SLC44A1: variants seen among roughly 807,000 people sequenced by gnomAD.
SLC44A1 encodes solute carrier family 44 member 1.
Under a neutral mutation model 79.3 loss-of-function variants are expected in SLC44A1, and 26 were observed. That is an observed-to-expected ratio of 0.33 (90% confidence interval 0.24 to 0.46). The LOEUF (loss-of-function observed/expected upper bound fraction) is 0.46, where lower values mean the gene tolerates loss of function less well. SLC44A1 is among the 20% of genes least tolerant of loss of function. The pLI is 1.00. For missense variants in SLC44A1, 688 were observed against 798.1 expected, an observed-to-expected ratio of 0.86 and a Z score of 1.66; for synonymous variants, 263 against 286.2, an observed-to-expected ratio of 0.92 and a Z score of 0.82.
intron 15 of SLC44A1, chr9:105,386,019 GTTTC>G: frequency 1.0e-6 from 1 of 985,112 alleles, no homozygotes; most frequent in Non-Finnish European, 1.2e-6. Flanking sequence ...TACTTTCTTT[GTTTC>G]TTAAGCTATT....
chr9:105,323,774 AGGG>A (rs940424467), intron 3 of SLC44A1, among the ~76,000 whole-genome samples: 1 of 152,170 alleles, frequency 6.6e-6, no homozygotes, highest in Admixed American at 6.5e-5. Flanking sequence ...ATTTTTTCTC[AGGG>A]GAGGCTTTCA....
intron 15 of SLC44A1, among the ~76,000 whole-genome samples, chr9:105,422,405 C>T (rs1829264962): frequency 6.6e-6 from 1 of 151,020 alleles, no homozygotes; most frequent in Non-Finnish European, 1.5e-5. Context: ...TCTCCTGCCT[C>T]AGCCTCCTGA....
chr9:105,357,027 C>T (rs887544933), intron 6 of SLC44A1: 5 of 152,062 alleles, frequency 3.3e-5, no homozygotes, highest in African/African-American at 1.2e-4. Flanking sequence ...TGGTAGGAAC[C>T]AACAGCTATT....
Position 105,386,291 on chromosome 9 carries a change from T to C in SLC44A1, c.1950+789T>C, listed in dbSNP as rs186606900. On this transcript the variant is annotated intron_variant, in intron 15 of 15. Transcript: ENST00000374720. The stretch of plus-strand genomic sequence containing the variant: ...TAGAAACAGATGCCTCTATCATATA[T>C]TGGTCTAATTACTTCCTAATTTAAA... 401 of 950,346 alleles carry C rather than the reference T, an allele frequency of 4.2e-4. 2 individuals are homozygous for C. The African/African-American group carries it at 6.7e-3, about 16-fold the overall frequency. The allele number at this position is 950,346 out of a possible 1,614,324, so 58.9% of individuals were successfully genotyped here.
intron 6 of SLC44A1, chr9:105,357,019 G>A (rs1018211506): frequency 1.3e-5 from 2 of 152,198 alleles, no homozygotes; most frequent in African/African-American, 4.8e-5. Flanking sequence ...GTAAACTATG[G>A]TAGGAACCAA....
Position 105,391,203 on chromosome 9 carries a change from T to C in SLC44A1, c.*2147T>C, listed in dbSNP as rs1186660380. On this transcript the variant is annotated 3_prime_UTR_variant, in exon 16 of 16. Coordinates refer to ENST00000374720, the MANE Select transcript of SLC44A1 (RefSeq NM_080546.5). ...AAATTAGGTTCTACTCACTTGGACA[T>C]CCCTGCATCATGGACTGTTGCTGCT... The C allele has an allele frequency of 1.0e-6, 1 of 985,676 alleles. No individual in the cohort carries two copies. The highest frequency in any genetic ancestry group is 1.7e-5 in the African/African-American group (1 of 57,242). The allele number at this position is 985,676 out of a possible 1,614,324, so 61.1% of individuals were successfully genotyped here.
chr9:105,380,635 A>T (rs1407057554), intron 13 of SLC44A1, among the ~76,000 whole-genome samples: 1 of 152,186 alleles, frequency 6.6e-6, no homozygotes, highest in African/African-American at 2.4e-5. Flanking sequence ...CTTATAAAGC[A>T]TACGAAAGAA....
chr9:105,363,898 C>A (rs1827860105), intron 9 of SLC44A1, among the ~76,000 whole-genome samples: 1 of 152,158 alleles, frequency 6.6e-6, no homozygotes, highest in Non-Finnish European at 1.5e-5. Flanking sequence ...TAGATTCATT[C>A]TAAGATGAAC....
intron 14 of SLC44A1, among the ~76,000 whole-genome samples, chr9:105,385,051 T>C (rs1828587710): frequency 6.6e-6 from 1 of 152,240 alleles, no homozygotes; most frequent in Non-Finnish European, 1.5e-5. Context: ...GTGTTCTTGT[T>C]GTTTCATTTA....
intron 3 of SLC44A1, among the ~76,000 whole-genome samples, chr9:105,328,271 G>A (rs982684422): frequency 2.6e-5 from 4 of 151,858 alleles, no homozygotes; most frequent in African/African-American, 9.7e-5. Flanking sequence ...AATACACAGT[G>A]TGTGAACGAG....
chr9:105,400,441 A>G (rs987134272), downstream of SLC44A1, among the ~76,000 whole-genome samples: 1 of 151,744 alleles, frequency 6.6e-6, no homozygotes, highest in African/African-American at 2.4e-5. Flanking sequence ...GTGAGCCGAG[A>G]TTGTGCCACT....
At chr9:105,422,582 A>G (rs140380732) in intron 15 of SLC44A1, among the ~76,000 whole-genome samples, 3 of 152,180 alleles carry the variant, frequency 2.0e-5, no homozygotes, top group Admixed American at 1.3e-4. Flanking sequence ...CACTGTGCCC[A>G]GCCCCATCCT....
downstream of SLC44A1, among the ~76,000 whole-genome samples, chr9:105,399,470 C>T (rs1828928275): frequency 1.3e-5 from 2 of 151,406 alleles, no homozygotes; most frequent in African/African-American, 4.9e-5. Context: ...CAGCTTACAA[C>T]AAAATAAAAC....
At chr9:105,333,638 C>G (rs950614744) in intron 3 of SLC44A1, among the ~76,000 whole-genome samples, 7 of 151,974 alleles carry the variant, frequency 4.6e-5, no homozygotes, top group African/African-American at 1.5e-4. Flanking sequence ...GGTGAAACCC[C>G]GTTTCTACTA....
intron 9 of SLC44A1, 43 bp downstream of exon 9, chr9:105,363,050 G>A: frequency 7.0e-7 from 1 of 1,419,462 alleles, no homozygotes; most frequent in Non-Finnish European, 9.7e-7. Flanking sequence ...AACGTGATTT[G>A]CATTCCAGTA....
chr9:105,252,134 C>T (rs946682252), intron 1 of SLC44A1, among the ~76,000 whole-genome samples: 2 of 152,138 alleles, frequency 1.3e-5, no homozygotes, highest in Admixed American at 6.5e-5. Context: ...AATTCATTTA[C>T]TTGTCTATAG....
intron 3 of SLC44A1, among the ~76,000 whole-genome samples, chr9:105,333,809 CA>C (rs113936952): frequency 0.014 from 1,865 of 132,824 alleles, 39 homozygotes; most frequent in African/African-American, 0.045. Flanking sequence ...AACTCCATCT[CA>C]AAAAAAAAAA....
chr9:105,260,131 G>A (rs1307446484), intron 1 of SLC44A1, among the ~76,000 whole-genome samples: 2 of 152,124 alleles, frequency 1.3e-5, no homozygotes, highest in Non-Finnish European at 1.5e-5. Context: ...GCTACAAGGT[G>A]TTCTGCCAAA....
At chr9:105,354,296 C>T (rs1395525015) in intron 5 of SLC44A1, among the ~76,000 whole-genome samples, 1 of 151,612 alleles carries the variant, frequency 6.6e-6, no homozygotes, top group East Asian at 1.9e-4. Context: ...GTGATCCGCC[C>T]GCCTCGGCCT....
Sources: gnomAD v4.1 joint callset for allele counts (sites outside exome capture counted in the v4.1 genomes callset) on GRCh38, gnomAD v4.1.1 for gene constraint, MANE v1.5 for transcripts, NCBI Gene and HGNC (gene_info 2026-07-23, HGNC 2026-07-21) for gene names.